FHIT: variants seen among roughly 807,000 people sequenced by gnomAD.
FHIT encodes the protein bis(5'-adenosyl)-triphosphatase.
In FHIT, 19 loss-of-function variants were observed where a neutral mutation model predicts 17.9. That is an observed-to-expected ratio of 1.06 (90% CI 0.74 to 1.56). The LOEUF is 1.56. Ranked by LOEUF, FHIT falls within the 40% of genes most tolerant of loss-of-function variation. The pLI, the probability that FHIT is intolerant of heterozygous loss-of-function variation, is 0.00. For missense variants in FHIT, 248 were observed against 189.2 expected (o/e 1.31, Z -1.82); for synonymous variants, 81 against 69.7 (o/e 1.16, Z -0.81).
chr3:59,958,866 T>TA (rs113365810), intron 7 of FHIT, among the ~76,000 whole-genome samples: 19,395 of 152,172 alleles, frequency 0.13, 1,435 homozygotes, highest in Admixed American at 0.15. Flanking sequence ...TCCTCTTATA[T>TA]AAAGTGGTCA....
intron 8 of FHIT, among the ~76,000 whole-genome samples, chr3:59,889,024 C>A (rs1703742095): frequency 6.6e-6 from 1 of 152,110 alleles, no homozygotes; most frequent in Admixed American, 6.6e-5. Context: ...GACAGCAGGG[C>A]CCTCATAACC....
At chr3:60,050,439 C>G (rs1279115153) in intron 5 of FHIT, among the ~76,000 whole-genome samples, 1 of 152,138 alleles carries the variant, frequency 6.6e-6, no homozygotes, top group Non-Finnish European at 1.5e-5. Context: ...CCCTATAGCA[C>G]TTAGAGCAGC....
At chr3:60,250,076 T>C (rs556637772) in intron 5 of FHIT, among the ~76,000 whole-genome samples, 1 of 151,896 alleles carries the variant, frequency 6.6e-6, no homozygotes, top group African/African-American at 2.4e-5. Context: ...AGGTGAGATC[T>C]GGGTAGGGAC....
intron 5 of FHIT, among the ~76,000 whole-genome samples, chr3:60,459,929 T>A (rs1483362993): frequency 6.6e-6 from 1 of 152,106 alleles, no homozygotes; most frequent in Non-Finnish European, 1.5e-5. Context: ...AAAGCTTCTC[T>A]TAAAAAGGCT....
chr3:61,176,441 C>G (rs919899421), intron 2 of FHIT, among the ~76,000 whole-genome samples: 1 of 152,188 alleles, frequency 6.6e-6, no homozygotes, highest in African/African-American at 2.4e-5. Flanking sequence ...AATACCTCTT[C>G]TTTTTATTGT....
At chr3:59,943,187 G>A (rs745374283) in intron 7 of FHIT, among the ~76,000 whole-genome samples, 12 of 152,076 alleles carry the variant, frequency 7.9e-5, no homozygotes, top group East Asian at 1.9e-4. Context: ...GTAGTAAAAC[G>A]GAAAATAGGA....
intron 5 of FHIT, among the ~76,000 whole-genome samples, chr3:60,469,870 G>A (rs529544708): frequency 1.3e-5 from 2 of 152,094 alleles, no homozygotes; most frequent in South Asian, 2.1e-4. Context: ...CTTTAGGGGT[G>A]CCCCAAGCCC....
chr3:61,228,925 C>T (rs752093873), intron 1 of FHIT, among the ~76,000 whole-genome samples: 5 of 152,126 alleles, frequency 3.3e-5, no homozygotes, highest in Non-Finnish European at 7.3e-5. Context: ...AAAGGAGATA[C>T]AGCACTGAGA....
At chr3:60,599,177 T>A (rs1553667857) in intron 4 of FHIT, among the ~76,000 whole-genome samples, 1 of 152,138 alleles carries the variant, frequency 6.6e-6, no homozygotes, top group Non-Finnish European at 1.5e-5. Flanking sequence ...AAGGGAGAGC[T>A]CATATACTCT....
At position 60,113,228 on chromosome 3, in the gene FHIT, C is replaced by G. The variant is rs542017445; in HGVS notation, c.104-99076G>C. ...ACGCAAGCTCTGTGAAGGTAAGGAT[C>G]CTGTCTTTTTCACGTCTGTATCCCC... On this transcript the variant is annotated intron_variant, in intron 5 of 9. Transcript: ENST00000492590. Among the ~76,000 whole-genome samples the G allele has an allele frequency of 3.9e-5, 6 of 152,304 alleles. 1 individual carries two copies. Among genetic ancestry groups the G allele is most frequent in the African/African-American group, 9.6e-5 (4 of 41,576 alleles).
chr3:60,491,911 T>G (rs1216351259), intron 5 of FHIT, among the ~76,000 whole-genome samples: 1 of 152,214 alleles, frequency 6.6e-6, no homozygotes, highest in African/African-American at 2.4e-5. Flanking sequence ...ATATGAAAAG[T>G]TTGCTTAAAG....
At chr3:60,184,242 A>G (rs2107449860) in intron 5 of FHIT, among the ~76,000 whole-genome samples, 1 of 152,186 alleles carries the variant, frequency 6.6e-6, no homozygotes, top group South Asian at 2.1e-4. Context: ...GGCCTCTGAG[A>G]CATTACTATT....
At chr3:59,898,954 A>G (rs1575662656) in intron 8 of FHIT, among the ~76,000 whole-genome samples, 1 of 152,326 alleles carries the variant, frequency 6.6e-6, no homozygotes, top group East Asian at 1.9e-4. Context: ...CATTTTATCA[A>G]TGAGGATAGT....
At chr3:59,879,532 T>G (rs1018958266) in intron 8 of FHIT, among the ~76,000 whole-genome samples, 3 of 152,138 alleles carry the variant, frequency 2.0e-5, no homozygotes, top group Non-Finnish European at 4.4e-5. Flanking sequence ...TTTTCCATAA[T>G]GGGGTAGATG....
At chr3:60,226,472 C>CAGAAAAAAAAAA (rs1704205251) in intron 5 of FHIT, among the ~76,000 whole-genome samples, 1 of 70,148 alleles carries the variant, frequency 1.4e-5, no homozygotes, top group African/African-American at 5.8e-5. Context: ...AACTCCGTCT[C>CAGAAAAAAAAAA]AAAAAAAAAA....
At chr3:61,017,114 C>A (rs553010048) in intron 3 of FHIT, among the ~76,000 whole-genome samples, 1 of 152,124 alleles carries the variant, frequency 6.6e-6, no homozygotes, top group African/African-American at 2.4e-5. Flanking sequence ...TGGTGAAACA[C>A]CGTCTCTAAC....
At chr3:60,054,938 G>A (rs1440962653) in intron 5 of FHIT, among the ~76,000 whole-genome samples, 4 of 152,062 alleles carry the variant, frequency 2.6e-5, no homozygotes, top group Admixed American at 2.6e-4. Context: ...AATGAAGTGG[G>A]AATGGCTACC....
intron 5 of FHIT, among the ~76,000 whole-genome samples, chr3:60,146,312 C>T (rs62240253): frequency 0.37 from 55,334 of 150,794 alleles, 11,319 homozygotes; most frequent in African/African-American, 0.55. Flanking sequence ...GCTACCAACA[C>T]GCTGTCAACC....
intron 7 of FHIT, among the ~76,000 whole-genome samples, chr3:59,989,489 A>G (rs534103355): frequency 6.6e-6 from 1 of 152,188 alleles, no homozygotes; most frequent in East Asian, 1.9e-4. Context: ...ATGGGAAGAC[A>G]AGAGGCTTTC....
Sources: gnomAD v4.1 joint callset for allele counts (sites outside exome capture counted in the v4.1 genomes callset) on GRCh38, gnomAD v4.1.1 for gene constraint, MANE v1.5 for transcripts, NCBI Gene and HGNC (gene_info 2026-07-23, HGNC 2026-07-21) for gene names.